The following ADAM32 variants were observed in gnomAD, a reference collection of about 807,000 sequenced individuals.
The protein encoded by ADAM32 is disintegrin and metalloproteinase domain-containing protein 32.
A neutral mutation model predicts 114.9 loss-of-function variants in ADAM32; 89 were observed. The observed-to-expected ratio is 0.77, with a 90% CI of 0.65 to 0.92. ADAM32 has a LOEUF of 0.92. Ranked by LOEUF, ADAM32 falls within the 40% of genes least tolerant of loss-of-function variation. The pLI is 0.00. For synonymous variants in ADAM32, 285 were observed against 307.5 expected, an observed-to-expected ratio of 0.93 and a Z score of 0.77; for missense variants, 870 against 932.8, an observed-to-expected ratio of 0.93 and a Z score of 0.88.
intron 7 of ADAM32, among the ~76,000 whole-genome samples, chr8:39,163,198 C>G (rs576613591): frequency 6.6e-6 from 1 of 152,152 alleles, no homozygotes; most frequent in South Asian, 2.1e-4. Context: ...ATAAGAGCAT[C>G]CAAGTGGGTG....
intron 6 of ADAM32, among the ~76,000 whole-genome samples, chr8:39,153,968 CGT>C (rs1380978751): frequency 6.7e-6 from 1 of 150,086 alleles, no homozygotes; most frequent in Non-Finnish European, 1.5e-5. Context: ...CAGATATCAT[CGT>C]TTGTCTGGAC....
intron 10 of ADAM32, among the ~76,000 whole-genome samples, chr8:39,181,775 T>C (rs192900613): frequency 4.4e-4 from 67 of 152,244 alleles, no homozygotes; most frequent in South Asian, 2.3e-3. Flanking sequence ...TGCTGGCTGG[T>C]TCATGAATTG....
chr8:39,251,241 A>C (rs185322367), intron 17 of ADAM32, among the ~76,000 whole-genome samples: 5 of 151,954 alleles, frequency 3.3e-5, no homozygotes, highest in Admixed American at 1.3e-4. Flanking sequence ...TTTTTTGAGG[A>C]ATCTCCACAC....
At chr8:39,281,616 A>G (rs1279773019) in intron 23 of ADAM32, among the ~76,000 whole-genome samples, 2 of 152,226 alleles carry the variant, frequency 1.3e-5, no homozygotes, top group Non-Finnish European at 2.9e-5. Context: ...AGACAGTATT[A>G]TAAACACACT....
intron 18 of ADAM32, 24 bp from the exon 19 acceptor site, chr8:39,257,163 T>TTTTTTTG: frequency 6.6e-7 from 1 of 1,520,090 alleles, no homozygotes. Flanking sequence ...TTTTGTTTTT[T>TTTTTTTG]TTTTTTTGTA....
chr8:39,143,506 T>G (rs1803304951), intron 3 of ADAM32, among the ~76,000 whole-genome samples: 1 of 151,968 alleles, frequency 6.6e-6, no homozygotes, highest in Non-Finnish European at 1.5e-5. Context: ...AGGTCCACTC[T>G]AGACCCTGTT....
intron 22 of ADAM32, chr8:39,276,260 G>GT (rs1813064172): frequency 6.2e-6 from 1 of 160,424 alleles, no homozygotes; most frequent in Non-Finnish European, 1.3e-5. Flanking sequence ...GAATAACTGA[G>GT]TGAATGCTCG....
At chr8:39,208,597 CT>C (rs1293285726) in intron 11 of ADAM32, among the ~76,000 whole-genome samples, 2 of 152,132 alleles carry the variant, frequency 1.3e-5, no homozygotes, top group Admixed American at 6.6e-5. Flanking sequence ...GATGAATTCC[CT>C]CCACTTTCAT....
rs183639667 is a variant in ADAM32, at chr8:39,258,585, A to G, written c.2162+1242A>G. On this transcript the variant is annotated intron_variant, in intron 19 of 24. Transcript: ENST00000379907. ...CTAATTTTATTAGCTTATTTTGAGA[A>G]ACTTGTCTATGTGGTTCTCTTAAAT... Among the ~76,000 whole-genome samples the G allele has an allele frequency of 3.6e-3, 553 of 152,202 alleles. 3 individuals are homozygous for G. The highest frequency in any genetic ancestry group is 5.8e-3 in the Non-Finnish European group (395 of 67,990).
chr8:39,149,229 T>C (rs1270368312), intron 4 of ADAM32, among the ~76,000 whole-genome samples: 1 of 152,188 alleles, frequency 6.6e-6, no homozygotes, highest in African/African-American at 2.4e-5. Flanking sequence ...AGCTGTGTTA[T>C]TAAGTGAATG....
chr8:39,267,775 C>T lies in ADAM32; in HGVS notation c.2163-3101C>T, dbSNP rs556992629. 3.9e-5 allele frequency among the ~76,000 whole-genome samples: 6 copies of T among 152,288 alleles called. No homozygotes were observed. The South Asian group carries it at 6.2e-4, about 16-fold the overall frequency. ...TGGACTGCACAATCTAAGCTGAACCCGGTTGGCTAACTTGAAAAGTGCAGG... is the reference window on the plus strand; with the variant it reads ...TGGACTGCACAATCTAAGCTGAACCTGGTTGGCTAACTTGAAAAGTGCAGG... On this transcript the variant is annotated intron_variant, in intron 19 of 24. Coordinates refer to ENST00000379907, the MANE Select transcript of ADAM32 (RefSeq NM_145004.7).
chr8:39,174,373 G>A (rs954572645), intron 10 of ADAM32, among the ~76,000 whole-genome samples: 5 of 152,112 alleles, frequency 3.3e-5, no homozygotes, highest in African/African-American at 4.8e-5. Context: ...TAGCCTTGTA[G>A]TATAGTTTGA....
chr8:39,112,819 G>A (rs569054666), intron 1 of ADAM32, among the ~76,000 whole-genome samples: 22 of 152,290 alleles, frequency 1.4e-4, no homozygotes, highest in Non-Finnish European at 2.5e-4. Context: ...AGAGATGTGG[G>A]CATCAATAAT....
At chr8:39,218,416 T>C (rs1808733507) in intron 12 of ADAM32, among the ~76,000 whole-genome samples, 1 of 152,136 alleles carries the variant, frequency 6.6e-6, no homozygotes, top group Non-Finnish European at 1.5e-5. Flanking sequence ...GATCAGCAGG[T>C]GGCAAAGCCA....
intron 5 of ADAM32, among the ~76,000 whole-genome samples, chr8:39,150,094 C>T (rs538632320): frequency 1.3e-5 from 2 of 152,238 alleles, no homozygotes; most frequent in Admixed American, 1.3e-4. Context: ...AGTCTCCTTG[C>T]TCTATGTCTT....
At chr8:39,135,373 T>C (rs180935839) in intron 2 of ADAM32, among the ~76,000 whole-genome samples, 16 of 152,282 alleles carry the variant, frequency 1.1e-4, no homozygotes, top group African/African-American at 3.4e-4. Flanking sequence ...TTATGTCTGG[T>C]TTTTCTTTTT....
chr8:39,232,678 CT>C (rs1001307798), intron 15 of ADAM32, among the ~76,000 whole-genome samples: 10 of 152,246 alleles, frequency 6.6e-5, no homozygotes, highest in Admixed American at 1.3e-4. Flanking sequence ...TATGCTGTTA[CT>C]TTTGTTTAGA....
At chr8:39,217,079 C>A (rs149497698) in intron 12 of ADAM32, among the ~76,000 whole-genome samples, 247 of 145,382 alleles carry the variant, frequency 1.7e-3, no homozygotes, top group Middle Eastern at 0.01. Flanking sequence ...CTGGGAAAGT[C>A]TTTATTTCTC....
At position 39,223,048 on chromosome 8, in the gene ADAM32, A is replaced by G. The variant is rs780946757; in HGVS notation, c.1335A>G (p.Gln445=). ...GTTCTAACTTCTCTTAGATTTTACA[A>G]TCAGGCGTTGAATGTAGGCCGAAAG... ...GLCCKDCQIL[Q]SGVECRPKAH... Residue 445 remains glutamine (Q), a synonymous_variant, in exon 14 of 25, where the codon CAA becomes CAG. Transcript: ENST00000379907. 1.0e-5 allele frequency: 16 copies of G among 1,573,816 alleles called. No individual in the cohort carries two copies. Among genetic ancestry groups the G allele is most frequent in the African/African-American group, 2.7e-5 (2 of 73,530 alleles).
Sources: allele counts gnomAD v4.1 joint callset (sites outside exome capture counted in the v4.1 genomes callset), GRCh38; gene constraint gnomAD v4.1.1; transcripts MANE v1.5; gene names NCBI Gene and HGNC (gene_info 2026-07-23, HGNC 2026-07-21).